PDE1A: variants seen among roughly 807,000 people sequenced by gnomAD.
The protein encoded by PDE1A is dual specificity calcium/calmodulin-dependent 3',5'-cyclic nucleotide phosphodiesterase 1A.
A neutral mutation model predicts 61.7 loss-of-function variants in PDE1A; 35 were observed. That is an observed-to-expected ratio of 0.57 (90% CI 0.43 to 0.75). The LOEUF (loss-of-function observed/expected upper bound fraction) is 0.75. Ranked by LOEUF, PDE1A falls within the 30% of genes least tolerant of loss-of-function variation. The pLI, the probability that PDE1A is intolerant of heterozygous loss-of-function variation, is 0.00. For synonymous variants in PDE1A, 232 were observed against 213.2 expected, an observed-to-expected ratio of 1.09 and a Z score of -0.77; for missense variants, 597 against 630.6, an observed-to-expected ratio of 0.95 and a Z score of 0.57.
the PDE1A span, among the ~76,000 whole-genome samples, chr2:182,541,250 G>C: frequency 6.6e-6 from 1 of 152,192 alleles, no homozygotes; most frequent in Non-Finnish European, 1.5e-5. Flanking sequence ...AGTAGAATCA[G>C]TGCTGGATTT....
chr2:182,314,059 T>C (rs978949908), intron 1 of PDE1A, among the ~76,000 whole-genome samples: 5 of 152,180 alleles, frequency 3.3e-5, no homozygotes, highest in African/African-American at 1.2e-4. Context: ...ATGAACACAA[T>C]ATGTTAATAC....
At chr2:182,217,750 A>G (rs1172848613) in intron 7 of PDE1A, among the ~76,000 whole-genome samples, 1 of 144,470 alleles carries the variant, frequency 6.9e-6, no homozygotes, top group African/African-American at 2.6e-5. Flanking sequence ...AATGGCGATC[A>G]TTAAAAAGTC....
In PDE1A at chr2:182,514,081, A is replaced by C. The variant is rs1689987493; in HGVS notation, c.101+8195T>G. Among the ~76,000 whole-genome samples, 10 of 152,304 alleles carry C rather than the reference A, an allele frequency of 6.6e-5. No individual in the cohort carries two copies. In the South Asian group the frequency reaches 1.9e-3, roughly 28 times the overall value. On this transcript the variant is annotated intron_variant, in intron 2 of 14. Coordinates refer to the PDE1A transcript ENST00000410103. The stretch of plus-strand genomic sequence containing the variant: ...TCAGGGACGCAATCCCATTCACAAT[A>C]GCCACAGAAAGAATAAAATACCTAG...
intron 1 of PDE1A, among the ~76,000 whole-genome samples, chr2:182,323,841 C>T (rs1335867036): frequency 6.6e-6 from 1 of 152,202 alleles, no homozygotes; most frequent in Non-Finnish European, 1.5e-5. Flanking sequence ...AGAAGCCCCA[C>T]ACCCTGGTAG....
intron 1 of PDE1A, among the ~76,000 whole-genome samples, chr2:182,313,540 T>C (rs538348874): frequency 5.9e-5 from 9 of 152,358 alleles, no homozygotes; most frequent in African/African-American, 2.2e-4. Context: ...TCCTAGAATT[T>C]CCAGACCACA....
intron 2 of PDE1A, among the ~76,000 whole-genome samples, chr2:182,499,379 T>A (rs111286151): frequency 6.6e-6 from 1 of 152,066 alleles, no homozygotes; most frequent in African/African-American, 2.4e-5. Context: ...GGTTTCACCA[T>A]GTTAGCCATA....
At chr2:182,151,459 A>G (rs540866611) in intron 13 of PDE1A, among the ~76,000 whole-genome samples, 16 of 152,130 alleles carry the variant, frequency 1.1e-4, no homozygotes, top group Non-Finnish European at 1.9e-4. Context: ...GCTGAGACAT[A>G]GCTTGAAAAC....
At chr2:182,334,489 G>GT (rs1697649779) in intron 1 of PDE1A, among the ~76,000 whole-genome samples, 2 of 152,080 alleles carry the variant, frequency 1.3e-5, no homozygotes, top group South Asian at 4.1e-4. Flanking sequence ...ATCAATAAAC[G>GT]TAATCCATCA....
chr2:182,355,300 A>G (rs531303621), intron 1 of PDE1A, among the ~76,000 whole-genome samples: 1 of 152,144 alleles, frequency 6.6e-6, no homozygotes, highest in South Asian at 2.1e-4. Context: ...CCATTTCTGA[A>G]TTTGTTTTGA....
intron 13 of PDE1A, among the ~76,000 whole-genome samples, chr2:182,159,439 A>C (rs1559123252): frequency 6.6e-6 from 1 of 152,206 alleles, no homozygotes; most frequent in African/African-American, 2.4e-5. Context: ...TTGATAGGTT[A>C]ATTAAGAATG....
chr2:182,355,554 G>A (rs534124731), intron 1 of PDE1A, among the ~76,000 whole-genome samples: 1 of 151,852 alleles, frequency 6.6e-6, no homozygotes, highest in Non-Finnish European at 1.5e-5. Flanking sequence ...ATCTCTATAT[G>A]TTTTATGTAG....
chr2:182,643,462 C>T, the PDE1A span, among the ~76,000 whole-genome samples: 1 of 152,164 alleles, frequency 6.6e-6, no homozygotes, highest in Non-Finnish European at 1.5e-5. Flanking sequence ...TGTCTTTTCT[C>T]ATCTTGCATT....
the PDE1A span, among the ~76,000 whole-genome samples, chr2:182,688,569 A>G: frequency 1.3e-5 from 2 of 152,228 alleles, no homozygotes; most frequent in East Asian, 1.9e-4. Flanking sequence ...AGCCACTGCA[A>G]AAACATGCCA....
At chr2:182,456,399 T>C (rs373062130) in intron 2 of PDE1A, among the ~76,000 whole-genome samples, 14 of 152,214 alleles carry the variant, frequency 9.2e-5, no homozygotes, top group African/African-American at 2.6e-4. Context: ...AACTATTTCA[T>C]AGTGCTCCCC....
At chr2:182,153,790 C>T (rs997969711) in intron 13 of PDE1A, among the ~76,000 whole-genome samples, 20 of 152,056 alleles carry the variant, frequency 1.3e-4, no homozygotes, top group African/African-American at 4.6e-4. Context: ...CATGGGGCTG[C>T]TCTGATTTCT....
the PDE1A span, among the ~76,000 whole-genome samples, chr2:182,594,195 A>G: frequency 1.3e-5 from 2 of 152,204 alleles, no homozygotes; most frequent in African/African-American, 4.8e-5. Context: ...TTTTTCATTT[A>G]CTTTTAACAC....
the PDE1A span, among the ~76,000 whole-genome samples, chr2:182,575,149 C>T: frequency 2.0e-5 from 3 of 152,274 alleles, no homozygotes; most frequent in South Asian, 6.2e-4. Context: ...GTGGAATGAT[C>T]CAAACCTTCA....
chr2:182,298,845 C>T (rs919636538), intron 1 of PDE1A, among the ~76,000 whole-genome samples: 10 of 151,740 alleles, frequency 6.6e-5, no homozygotes, highest in African/African-American at 2.2e-4. Context: ...AGACTTTAAG[C>T]GCTGAAATAT....
the PDE1A span, among the ~76,000 whole-genome samples, chr2:182,534,142 A>T: frequency 6.6e-6 from 1 of 152,048 alleles, no homozygotes; most frequent in Non-Finnish European, 1.5e-5. Flanking sequence ...ATACTCCTTT[A>T]TCCTTTTAAA....
Sources: allele counts gnomAD v4.1 joint callset (sites outside exome capture counted in the v4.1 genomes callset), GRCh38; gene constraint gnomAD v4.1.1; transcripts MANE v1.5; gene names NCBI Gene and HGNC (gene_info 2026-07-23, HGNC 2026-07-21).